Variants in TSHR observed in about 807,000 individuals in gnomAD.
The protein encoded by TSHR is thyroid stimulating hormone receptor.
Under a neutral mutation model 64.1 loss-of-function variants are expected in TSHR, and 51 were observed. The ratio of observed to expected loss-of-function variants is 0.80; its 90% CI spans 0.64 to 1.01. The LOEUF (loss-of-function observed/expected upper bound fraction) is 1.01, where lower values mean the gene tolerates loss of function less well. TSHR is among the 50% of genes least tolerant of loss of function. The probability of loss-of-function intolerance (pLI) is 0.00; values close to 1 mark genes in which losing one functional copy is unlikely to be tolerated. For synonymous variants in TSHR, 361 were observed against 361.9 expected (o/e 1.00, Z 0.03); for missense variants, 877 against 942.8 (o/e 0.93, Z 0.91).
intron 1 of TSHR, among the ~76,000 whole-genome samples, chr14:81,007,101 G>C (rs954425081): frequency 1.3e-5 from 2 of 152,108 alleles, no homozygotes; most frequent in African/African-American, 4.8e-5. Flanking sequence ...CAAAATTCAC[G>C]TTGAAGTTCT....
chr14:80,972,582 C>A (rs1388418060), intron 1 of TSHR, among the ~76,000 whole-genome samples: 1 of 152,130 alleles, frequency 6.6e-6, no homozygotes, highest in Non-Finnish European at 1.5e-5. Context: ...CTCCCTCTCC[C>A]TCCCCTCCTC....
chr14:81,143,892 CA>C lies in TSHR; in HGVS notation c.1835del (p.Gln612ArgfsTer18), dbSNP rs1595179250. The C allele has an allele frequency of 6.2e-7, 1 of 1,614,168 alleles. No homozygotes were observed. The highest frequency in any genetic ancestry group is 8.5e-7 in the Non-Finnish European group (1 of 1,180,046). The stretch of plus-strand genomic sequence containing the variant: ...GATCTACATCACAGTCCGAAATCCG[CA>C]GTACAACCCAGGGGACAAAGATACC... ...VKIYITVRNP[Q>X]YNPGDKDTKI... On this transcript the variant is annotated frameshift_variant, in exon 10 of 10. Coordinates refer to ENST00000298171, the MANE Select transcript of TSHR (RefSeq NM_000369.5). LOFTEE classifies it high-confidence loss of function.
At chr14:81,072,583 T>C (rs12147099) in intron 3 of TSHR, among the ~76,000 whole-genome samples, 13,013 of 152,028 alleles carry the variant, frequency 0.086, 655 homozygotes, top group South Asian at 0.19. Flanking sequence ...CTGGAATAAA[T>C]AGTAGATTTA....
rs753393959 is a variant in TSHR, at chr14:80,955,719, C to T, written c.39C>T (p.Leu13=). 2 of 1,614,128 alleles carry T rather than the reference C, an allele frequency of 1.2e-6. No homozygotes were observed. Among genetic ancestry groups the T allele is most frequent in the Admixed American group, 3.3e-5 (2 of 60,028 alleles). ...PADLLQLVLL[L]DLPRDLGGMG... is the part of the protein sequence containing the mutation. ...ACTTGCTGCAGCTGGTGCTGCTGCT[C>T]GACCTGCCCAGGGACCTGGGCGGAA... The change falls in exon 1 of 10, where the codon CTC becomes CTT. Residue 13 remains leucine (L), a synonymous_variant. Coordinates refer to ENST00000298171, the MANE Select transcript of TSHR (RefSeq NM_000369.5).
chr14:81,072,538 C>CA (rs548005165), intron 3 of TSHR, among the ~76,000 whole-genome samples: 229 of 151,670 alleles, frequency 1.5e-3, no homozygotes, highest in Non-Finnish European at 2.5e-3. Flanking sequence ...TTAATTAATA[C>CA]AAAAAAGCGA....
At chr14:81,024,452 T>C (rs1883938796) in intron 1 of TSHR, among the ~76,000 whole-genome samples, 2 of 152,138 alleles carry the variant, frequency 1.3e-5, no homozygotes, top group Non-Finnish European at 2.9e-5. Flanking sequence ...TTTCACCATT[T>C]TGGCCAGGAT....
intron 1 of TSHR, chr14:81,012,009 A>C (rs1270765028): frequency 6.6e-6 from 1 of 152,156 alleles, no homozygotes. Context: ...TTACATATGT[A>C]TACATGTGCC....
At position 81,092,552 on chromosome 14, in the gene TSHR, C is replaced by T. The variant is rs1325137032; in HGVS notation, c.489C>T (p.Tyr163=). 2.5e-6 allele frequency: 4 copies of T among 1,614,150 alleles called. No homozygotes were observed. Among genetic ancestry groups the T allele is most frequent in the Non-Finnish European group, 1.7e-6 (2 of 1,179,996 alleles). Residue 163 remains tyrosine (Y), a synonymous_variant, in exon 6 of 10, where the codon TAC becomes TAT. Coordinates refer to ENST00000298171, the MANE Select transcript of TSHR (RefSeq NM_000369.5). ...FFILEITDNP[Y]MTSIPVNAFQ... Reference sequence around the variant, plus strand: ...GCAGTGAAATTACAGACAACCCTTACATGACGTCAATCCCTGTGAATGCTT... The same window carrying T: ...GCAGTGAAATTACAGACAACCCTTATATGACGTCAATCCCTGTGAATGCTT...
chr14:80,963,923 G>A (rs983601098), intron 1 of TSHR, among the ~76,000 whole-genome samples: 2 of 152,202 alleles, frequency 1.3e-5, no homozygotes, highest in Admixed American at 6.5e-5. Flanking sequence ...GTAGTTAATA[G>A]CATTCCTTTC....
intron 1 of TSHR, among the ~76,000 whole-genome samples, chr14:81,030,916 A>G (rs1232969456): frequency 2.0e-5 from 3 of 152,182 alleles, no homozygotes; most frequent in Non-Finnish European, 4.4e-5. Flanking sequence ...TTTCATTATA[A>G]TGGAGGTTTG....
At chr14:81,022,027 C>T (rs572358662) in intron 1 of TSHR, among the ~76,000 whole-genome samples, 7 of 148,652 alleles carry the variant, frequency 4.7e-5, no homozygotes, top group East Asian at 4.0e-4. Context: ...CTTTGGGAGG[C>T]GGAAGTGGGC....
At chr14:81,007,152 G>A (rs866687946) in intron 1 of TSHR, among the ~76,000 whole-genome samples, 5 of 152,124 alleles carry the variant, frequency 3.3e-5, no homozygotes, top group Admixed American at 6.5e-5. Flanking sequence ...GTCTTTGGAG[G>A]GAATTAGATT....
chr14:81,131,647 C>T (rs986591845), intron 8 of TSHR, among the ~76,000 whole-genome samples: 1 of 152,130 alleles, frequency 6.6e-6, no homozygotes, highest in Non-Finnish European at 1.5e-5. Flanking sequence ...GCCTGCAATG[C>T]TTTTGCTCCA....
At chr14:81,107,003 C>T (rs185216484) in intron 7 of TSHR, 1 of 151,172 alleles carries the variant, frequency 6.6e-6, no homozygotes, top group African/African-American at 2.4e-5. Context: ...CAATTTATGA[C>T]ATGTCATTTT....
At chr14:81,005,885 A>T (rs900456464) in intron 1 of TSHR, among the ~76,000 whole-genome samples, 1 of 152,226 alleles carries the variant, frequency 6.6e-6, no homozygotes, top group Admixed American at 6.5e-5. Flanking sequence ...CTTTGATTAA[A>T]TTGCTTTTGC....
At chr14:80,994,041 C>T (rs891539036) in intron 1 of TSHR, 2 of 152,304 alleles carry the variant, frequency 1.3e-5, no homozygotes, top group African/African-American at 2.4e-5. Flanking sequence ...GCAAGACCAA[C>T]CCCTCCTCTT....
intron 1 of TSHR, among the ~76,000 whole-genome samples, chr14:80,979,304 G>A (rs1888050923): frequency 6.6e-6 from 1 of 152,184 alleles, no homozygotes; most frequent in Non-Finnish European, 1.5e-5. Context: ...CATATGTGGA[G>A]TCTAATGACA....
At chr14:80,999,901 T>G (rs575467072) in intron 1 of TSHR, among the ~76,000 whole-genome samples, 39 of 151,968 alleles carry the variant, frequency 2.6e-4, no homozygotes, top group East Asian at 3.9e-4. Context: ...ATTAAATTTT[T>G]GGGGAAGACT....
rs1890040115 is a variant in TSHR, at chr14:81,108,355, C to G, written c.615-20C>G. ...ATCACCTAATTCATTCTCTCTCTCT[C>G]TTTCTCTCTCTCCCTCTAGTTACCT... On this transcript the variant is annotated intron_variant, in intron 7 of 9. Coordinates refer to ENST00000298171, the MANE Select transcript of TSHR (RefSeq NM_000369.5). The G allele has an allele frequency of 6.3e-7, 1 of 1,587,848 alleles. No individual in the cohort carries two copies. The highest frequency in any genetic ancestry group is 8.6e-7 in the Non-Finnish European group (1 of 1,157,382).
Sources: allele counts gnomAD v4.1 joint callset (sites outside exome capture counted in the v4.1 genomes callset), GRCh38; gene constraint gnomAD v4.1.1; transcripts MANE v1.5; gene names NCBI Gene and HGNC (gene_info 2026-07-23, HGNC 2026-07-21).